The following ELFN2 variants were observed in gnomAD, a reference collection of about 807,000 sequenced individuals.
The protein encoded by ELFN2 is extracellular leucine rich repeat and fibronectin type III domain containing 2, also known as protein phosphatase 1 regulatory subunit 29.
ELFN2 carries 17 observed loss-of-function variants against 45.5 expected under a neutral mutation model. That is an observed-to-expected ratio of 0.37 (90% CI 0.26 to 0.56). ELFN2 has a LOEUF of 0.56. ELFN2 is among the 20% of genes least tolerant of loss of function. ELFN2 has a pLI of 0.77. For missense variants in ELFN2, 922 were observed against 1,183.2 expected (o/e 0.78, Z 3.24); for synonymous variants, 550 against 551.5 (o/e 1.00, Z 0.04).
intron 2 of ELFN2, among the ~76,000 whole-genome samples, chr22:37,403,680 G>C (rs1932423575): frequency 6.6e-6 from 1 of 152,222 alleles, no homozygotes; most frequent in Non-Finnish European, 1.5e-5. Flanking sequence ...AGAAAAGGCA[G>C]GCCAGGCACC....
intron 2 of ELFN2, among the ~76,000 whole-genome samples, chr22:37,395,766 G>A (rs1932198810): frequency 6.6e-6 from 1 of 152,198 alleles, no homozygotes; most frequent in Non-Finnish European, 1.5e-5. Context: ...TGGCACCGTG[G>A]GCTGCAAAGA....
chr22:37,363,914 T>A (rs1931145229), downstream of ELFN2, among the ~76,000 whole-genome samples: 1 of 152,164 alleles, frequency 6.6e-6, no homozygotes. Context: ...TCACCTCCAA[T>A]GCACACCTAG....
rs36091012 is a variant in ELFN2 at position 37,399,673 on chromosome 22, T to C, written c.-463+18096A>G. Among the ~76,000 whole-genome samples the C allele has an allele frequency of 1.9e-3, 253 of 132,842 alleles. 17 individuals carry two copies. The highest frequency in any genetic ancestry group is 8.0e-3 in the African/African-American group (228 of 28,590). 87.1% of individuals were successfully genotyped at this position (132,842 alleles called of 152,430 possible). On this transcript the variant is annotated intron_variant, in intron 2 of 2. Transcript: ENST00000402918. Reference sequence around the variant, plus strand: ...CCACCTCCACCGACCACGGGGACCATCAGCCCACCTCTCCCACCCCCACTG... The same window carrying C: ...CCACCTCCACCGACCACGGGGACCACCAGCCCACCTCTCCCACCCCCACTG...
downstream of ELFN2, among the ~76,000 whole-genome samples, chr22:37,366,116 G>A (rs977792989): frequency 3.3e-5 from 5 of 152,190 alleles, no homozygotes; most frequent in South Asian, 2.1e-4. Flanking sequence ...AAGCAGATAC[G>A]CGACACTTAT....
intron 2 of ELFN2, among the ~76,000 whole-genome samples, chr22:37,407,134 CGT>C (rs139611465): frequency 2.6e-5 from 4 of 151,734 alleles, no homozygotes; most frequent in Non-Finnish European, 5.9e-5. Flanking sequence ...TGTGTGTGTG[CGT>C]GTGTGTGTGT....
chr22:37,423,628 G>A lies in ELFN2; in HGVS notation c.-614+3670C>T, dbSNP rs554503696. The stretch of plus-strand genomic sequence containing the variant: ...ACGAATGCCGCCCATAAAGAGCTTC[G>A]AACCGGGCCTGGCTCTCAGTAGGGG... On this transcript the variant is annotated intron_variant, in intron 1 of 2. Transcript: ENST00000402918. Among the ~76,000 whole-genome samples, 6 of 152,260 alleles carry A rather than the reference G, an allele frequency of 3.9e-5. No individual in the cohort carries two copies. The East Asian group carries it at 7.7e-4, about 20-fold the overall frequency.
At chr22:37,409,812 C>T (rs569200547) in intron 2 of ELFN2, among the ~76,000 whole-genome samples, 18 of 152,284 alleles carry the variant, frequency 1.2e-4, no homozygotes, top group African/African-American at 4.1e-4. Flanking sequence ...TCAGGGGCCG[C>T]AGGAGGGTGC....
intron 2 of ELFN2, among the ~76,000 whole-genome samples, chr22:37,398,379 A>T (rs2145667878): frequency 6.6e-6 from 1 of 151,768 alleles, no homozygotes; most frequent in African/African-American, 2.4e-5. Flanking sequence ...CTCTCCTTCC[A>T]CTTCCAGAAA....
Position 37,370,991 on chromosome 22 carries a change from G to A in ELFN2, c.*2081C>T, listed in dbSNP as rs1475783078. 6.6e-6 allele frequency: 1 copy of A among 151,768 alleles called. No homozygotes were observed. Among genetic ancestry groups the A allele is most frequent in the East Asian group, 1.9e-4 (1 of 5,160 alleles). 9.4% of individuals were successfully genotyped at this position (151,768 alleles called of 1,614,324 possible). A position where few individuals can be genotyped will look rare whatever the true frequency, so the allele number is the denominator to read the frequency against. On this transcript the variant is annotated 3_prime_UTR_variant, in exon 3 of 3. Transcript: ENST00000402918. ...GAGGGGTTGGGGGGCAGGTTTTGGGGGCCGGGGGAGGAGGTCTGCTCCGCG... is the reference window on the plus strand; with the variant it reads ...GAGGGGTTGGGGGGCAGGTTTTGGGAGCCGGGGGAGGAGGTCTGCTCCGCG...
intron 2 of ELFN2, among the ~76,000 whole-genome samples, chr22:37,409,679 T>C (rs576663343): frequency 6.6e-6 from 1 of 152,054 alleles, no homozygotes; most frequent in African/African-American, 2.4e-5. Flanking sequence ...TGGGTGAAAG[T>C]AGAAAAAGTG....
chr22:37,382,446 C>A (rs1024895973), intron 2 of ELFN2, among the ~76,000 whole-genome samples: 1 of 151,846 alleles, frequency 6.6e-6, no homozygotes, highest in Non-Finnish European at 1.5e-5. Context: ...GGTTTCACCA[C>A]GTTGGCCAGG....
At chr22:37,344,419 G>A (rs1201587602) in intron 1 of ELFN2, among the ~76,000 whole-genome samples, 3 of 151,608 alleles carry the variant, frequency 2.0e-5, no homozygotes, top group Non-Finnish European at 2.9e-5. Context: ...CCCCAGCATC[G>A]CCGGCTCTCA....
rs1165619242 is a variant in ELFN2 at position 37,353,026 on chromosome 22, C to T, written n.149-10323G>A. 2 of 150,804 alleles carry T rather than the reference C, an allele frequency of 1.3e-5. 1 individual carries two copies. Among genetic ancestry groups the T allele is most frequent in the Non-Finnish European group, 3.0e-5 (2 of 67,242 alleles). 9.3% of individuals were successfully genotyped at this position (150,804 alleles called of 1,614,324 possible). On this transcript the variant is annotated intron_variant and non_coding_transcript_variant, in intron 1 of 2. Transcript: ENST00000452946. ...GTGGCTCTGGCCTACACAGAGACCA[C>T]AGGAAGGGGTCTACTCAATGTGTCC...
At chr22:37,424,683 G>C (rs201606267) in intron 1 of ELFN2, among the ~76,000 whole-genome samples, 21 of 151,274 alleles carry the variant, frequency 1.4e-4, no homozygotes, top group Admixed American at 7.2e-4. Flanking sequence ...AGGGCGGCGG[G>C]GGGGGGGATG....
At chr22:37,341,624 C>T (rs1230619829) in intron 2 of ELFN2, among the ~76,000 whole-genome samples, 1 of 152,224 alleles carries the variant, frequency 6.6e-6, no homozygotes, top group Admixed American at 6.5e-5. Context: ...AGAACAGCCC[C>T]ATCTCAGAGA....
At chr22:37,382,788 GCGATCCACCCGCCCA>G (rs1169124249) in intron 2 of ELFN2, among the ~76,000 whole-genome samples, 1 of 152,166 alleles carries the variant, frequency 6.6e-6, no homozygotes, top group Non-Finnish European at 1.5e-5. Context: ...CTCAGCTCAA[GCGATCCACCCGCCCA>G]CGACTACCAA....
At chr22:37,399,207 G>A (rs1391051792) in intron 2 of ELFN2, among the ~76,000 whole-genome samples, 1 of 152,020 alleles carries the variant, frequency 6.6e-6, no homozygotes, top group Non-Finnish European at 1.5e-5. Context: ...GTACCCTCCT[G>A]TCCCATCCCC....
intron 2 of ELFN2, among the ~76,000 whole-genome samples, chr22:37,378,692 C>T (rs760994525): frequency 1.3e-5 from 2 of 152,374 alleles, no homozygotes; most frequent in East Asian, 1.9e-4. Context: ...GACCCACCCC[C>T]GTGACTCAGA....
chr22:37,378,449 C>A (rs1369887477), intron 2 of ELFN2, among the ~76,000 whole-genome samples: 1 of 152,216 alleles, frequency 6.6e-6, no homozygotes, highest in Non-Finnish European at 1.5e-5. Flanking sequence ...CCAGGCCCTG[C>A]CAAAGGATGC....
Sources: allele counts gnomAD v4.1 joint callset (sites outside exome capture counted in the v4.1 genomes callset), GRCh38; gene constraint gnomAD v4.1.1; transcripts MANE v1.5; gene names NCBI Gene and HGNC (gene_info 2026-07-23, HGNC 2026-07-21).